The following RUNX1T1 variants were observed in gnomAD, a reference collection of about 807,000 sequenced individuals.
RUNX1T1 encodes protein CBFA2T1.
A neutral mutation model predicts 62.8 loss-of-function variants in RUNX1T1; 4 were observed. That is an observed-to-expected ratio of 0.06 (90% CI 0.03 to 0.15). The LOEUF (loss-of-function observed/expected upper bound fraction) is 0.15. Among genes scored for constraint, RUNX1T1 ranks in the 10% least tolerant of loss-of-function variants. RUNX1T1 has a pLI of 1.00. For missense variants in RUNX1T1, 508 were observed against 754.3 expected (o/e 0.67, Z 3.82); for synonymous variants, 291 against 286.0 (o/e 1.02, Z -0.18).
chr8:91,962,001 T>C (rs1016495191), intron 10 of RUNX1T1, among the ~76,000 whole-genome samples: 8 of 152,252 alleles, frequency 5.3e-5, no homozygotes, highest in African/African-American at 1.9e-4. Context: ...GGTAAGCTCA[T>C]GAGCTGCTGA....
At chr8:92,025,721 C>T (rs1161428275) in intron 1 of RUNX1T1, among the ~76,000 whole-genome samples, 1 of 152,180 alleles carries the variant, frequency 6.6e-6, no homozygotes, top group Admixed American at 6.5e-5. Flanking sequence ...CAGCACTTAG[C>T]AGTATCTGAC....
At chr8:92,010,708 G>C in intron 4 of RUNX1T1, 2 of 227,436 alleles carry the variant, frequency 8.8e-6, no homozygotes, top group Non-Finnish European at 1.7e-5. Context: ...TCACTCTAAA[G>C]ACAAGCAAAA....
chr8:92,070,103 A>C (rs1277265392), intron 2 of RUNX1T1, among the ~76,000 whole-genome samples: 1 of 152,176 alleles, frequency 6.6e-6, no homozygotes, highest in East Asian at 1.9e-4. Context: ...TTCATTTCTG[A>C]CACCACCTGC....
At chr8:92,062,556 T>C (rs985301958) in exon 1 of RUNX1T1, 16 of 1,613,928 alleles carry the variant, frequency 9.9e-6, no homozygotes, top group Admixed American at 3.3e-5. Flanking sequence ...CAGGCATCCT[T>C]GAATCCAGCG....
At chr8:92,050,013 CATAT>C (rs1356745865) in intron 1 of RUNX1T1, among the ~76,000 whole-genome samples, 2 of 152,040 alleles carry the variant, frequency 1.3e-5, no homozygotes, top group Non-Finnish European at 2.9e-5. Flanking sequence ...TTGTAACCTT[CATAT>C]ATATAACCAC....
intron 1 of RUNX1T1, among the ~76,000 whole-genome samples, chr8:92,037,387 A>G (rs1481741048): frequency 2.0e-5 from 3 of 152,208 alleles, no homozygotes; most frequent in Non-Finnish European, 4.4e-5. Flanking sequence ...TACATAAACA[A>G]GTCCTTCTCA....
chr8:92,058,002 G>C (rs1231274597), intron 1 of RUNX1T1, among the ~76,000 whole-genome samples: 1 of 152,150 alleles, frequency 6.6e-6, no homozygotes, highest in Non-Finnish European at 1.5e-5. Context: ...GCAAGTAGAA[G>C]GAGCCAGGCA....
upstream of RUNX1T1, among the ~76,000 whole-genome samples, chr8:92,100,203 G>A (rs1402463218): frequency 6.6e-6 from 1 of 151,608 alleles, no homozygotes; most frequent in Non-Finnish European, 1.5e-5. Context: ...AGGTATTAAC[G>A]GACCACAGAG....
intron 1 of RUNX1T1, among the ~76,000 whole-genome samples, chr8:92,080,457 C>T (rs909690647): frequency 3.9e-5 from 6 of 152,240 alleles, no homozygotes; most frequent in African/African-American, 1.2e-4. Context: ...GAAGCCAGCC[C>T]TTTGTCCCAC....
At chr8:92,025,883 T>C (rs1211437670) in intron 1 of RUNX1T1, among the ~76,000 whole-genome samples, 1 of 152,240 alleles carries the variant, frequency 6.6e-6, no homozygotes, top group Non-Finnish European at 1.5e-5. Context: ...ATTCACCAGT[T>C]TTCTAACAAC....
chr8:92,030,230 C>T (rs776156778), intron 1 of RUNX1T1, among the ~76,000 whole-genome samples: 5 of 152,108 alleles, frequency 3.3e-5, no homozygotes, highest in Admixed American at 6.6e-5. Context: ...TATCGTACTA[C>T]CTAATCTGTT....
chr8:92,017,372 T>A lies in RUNX1T1; in HGVS notation c.8-9A>T. The A allele has an allele frequency of 6.2e-7, 1 of 1,614,014 alleles. No individual in the cohort carries two copies. The highest frequency in any genetic ancestry group is 8.5e-7 in the Non-Finnish European group (1 of 1,179,926). On this transcript the variant is annotated splice_polypyrimidine_tract_variant and intron_variant, in intron 1 of 10. Transcript: ENST00000396218. ...GTGCTTCTCAGTACGATCTGGAGGA[T>A]GCCACCAGGAACATATTATTTTACT...
At chr8:91,991,538 T>C (rs893469008) in intron 6 of RUNX1T1, 101 bp downstream of exon 7, 6 of 1,245,186 alleles carry the variant, frequency 4.8e-6, no homozygotes, top group Admixed American at 4.4e-5. Context: ...AGAATCTTCA[T>C]CCCTATCACA....
intron 10 of RUNX1T1, among the ~76,000 whole-genome samples, chr8:91,962,373 A>G (rs760766496): frequency 1.2e-4 from 18 of 152,242 alleles, no homozygotes; most frequent in Non-Finnish European, 2.5e-4. Flanking sequence ...TTAAGTGACT[A>G]TTGCTGAGGA....
intron 8 of RUNX1T1, 200 bp from the exon 10 acceptor site, chr8:91,976,173 G>T: frequency 1.9e-6 from 1 of 522,526 alleles, no homozygotes; most frequent in Non-Finnish European, 3.5e-6. Context: ...GAAAACAGAG[G>T]GTCATTGGTC....
chr8:92,002,626 G>T (rs1471830709), intron 5 of RUNX1T1, among the ~76,000 whole-genome samples: 1 of 152,018 alleles, frequency 6.6e-6, no homozygotes. Context: ...TTCTCCTCAG[G>T]TGTCAGTTTT....
intron 10 of RUNX1T1, among the ~76,000 whole-genome samples, chr8:91,966,794 G>A (rs1165178716): frequency 1.3e-5 from 2 of 152,118 alleles, no homozygotes; most frequent in African/African-American, 4.8e-5. Context: ...GATATCTGCC[G>A]CAAGTCCAGT....
intron 1 of RUNX1T1, among the ~76,000 whole-genome samples, chr8:92,038,131 C>T (rs1055154371): frequency 5.9e-5 from 9 of 152,064 alleles, no homozygotes; most frequent in African/African-American, 2.2e-4. Context: ...GGCACAATTT[C>T]GGCTCACTGC....
chr8:91,965,733 C>T (rs1294170638), intron 10 of RUNX1T1, among the ~76,000 whole-genome samples: 1 of 152,102 alleles, frequency 6.6e-6, no homozygotes, highest in African/African-American at 2.4e-5. Flanking sequence ...CCCCTGGAAC[C>T]ATTCAGTGCC....
Sources: allele counts gnomAD v4.1 joint callset (sites outside exome capture counted in the v4.1 genomes callset), GRCh38; gene constraint gnomAD v4.1.1; transcripts MANE v1.5; gene names NCBI Gene and HGNC (gene_info 2026-07-23, HGNC 2026-07-21).